Variants in SUSD6 observed in about 807,000 individuals in gnomAD.
SUSD6 encodes sushi domain containing 6.
A neutral mutation model predicts 28.4 loss-of-function variants in SUSD6; 16 were observed. That is an observed-to-expected ratio of 0.56 (90% CI 0.38 to 0.86). The LOEUF is 0.86. Ranked by LOEUF, SUSD6 falls within the 40% of genes least tolerant of loss-of-function variation. SUSD6 has a pLI of 0.00. For synonymous variants in SUSD6, 147 were observed against 159.6 expected (o/e 0.92, Z 0.59); for missense variants, 341 against 384.2 (o/e 0.89, Z 0.94).
intron 2 of SUSD6, among the ~76,000 whole-genome samples, chr14:69,667,403 G>T (rs1204386628): frequency 1.8e-4 from 23 of 125,608 alleles, no homozygotes; most frequent in Non-Finnish European, 2.8e-4. Flanking sequence ...TTGAGACGGA[G>T]TCTCGCTCTG....
chr14:69,613,054 A>G (rs1273988038), intron 1 of SUSD6, among the ~76,000 whole-genome samples: 1 of 152,206 alleles, frequency 6.6e-6, no homozygotes, highest in Non-Finnish European at 1.5e-5. Flanking sequence ...AGCTAGAAGC[A>G]TATTCAACCA....
chr14:69,634,682 CA>C (rs1885239298), intron 1 of SUSD6, among the ~76,000 whole-genome samples: 1 of 152,220 alleles, frequency 6.6e-6, no homozygotes, highest in Non-Finnish European at 1.5e-5. Context: ...GTTGCAAAGG[CA>C]AAACTCTTTG....
At chr14:69,656,741 C>T (rs541899206) in intron 1 of SUSD6, among the ~76,000 whole-genome samples, 1 of 152,332 alleles carries the variant, frequency 6.6e-6, no homozygotes, top group East Asian at 1.9e-4. Flanking sequence ...GATGAGGAGA[C>T]TAAGGCTAAG....
intron 1 of SUSD6, among the ~76,000 whole-genome samples, chr14:69,629,107 G>A (rs1323145702): frequency 6.6e-6 from 1 of 152,076 alleles, no homozygotes; most frequent in Non-Finnish European, 1.5e-5. Context: ...CCTGGAGAGA[G>A]GAGGGTAGGG....
intron 2 of SUSD6, among the ~76,000 whole-genome samples, chr14:69,676,739 A>G (rs1478843062): frequency 6.6e-6 from 1 of 152,218 alleles, no homozygotes; most frequent in Non-Finnish European, 1.5e-5. Context: ...TTTTGCCCAC[A>G]AAGAACCATT....
At chr14:69,665,011 C>A (rs1885718277) in intron 2 of SUSD6, among the ~76,000 whole-genome samples, 1 of 152,130 alleles carries the variant, frequency 6.6e-6, no homozygotes, top group Non-Finnish European at 1.5e-5. Context: ...GTGGCCTGTG[C>A]TGGTGTGCCT....
At chr14:69,671,395 G>C (rs1199723021) in intron 2 of SUSD6, among the ~76,000 whole-genome samples, 1 of 152,162 alleles carries the variant, frequency 6.6e-6, no homozygotes, top group Non-Finnish European at 1.5e-5. Context: ...CTTCTGGTCC[G>C]AGGGAAGAGG....
At chr14:69,687,547 G>A (rs994993482) in intron 2 of SUSD6, among the ~76,000 whole-genome samples, 1 of 152,256 alleles carries the variant, frequency 6.6e-6, no homozygotes, top group Non-Finnish European at 1.5e-5. Context: ...CCAGCTCTTA[G>A]ACTGTGAACT....
In SUSD6 at chr14:69,708,229, G is replaced by T. The variant is rs143519360; in HGVS notation, c.459-448G>T. Reference sequence around the variant, plus strand: ...CCTATTTAATGTGTACAGTGAAGTGGTTTTTAGTATATTCACAGATATATG... The same window carrying T: ...CCTATTTAATGTGTACAGTGAAGTGTTTTTTAGTATATTCACAGATATATG... On this transcript the variant is annotated intron_variant, in intron 4 of 5. Coordinates refer to ENST00000342745, the MANE Select transcript of SUSD6 (RefSeq NM_014734.4). Among the ~76,000 whole-genome samples, 178 of 152,322 alleles carry T rather than the reference G, an allele frequency of 1.2e-3. 1 individual carries two copies. Among genetic ancestry groups the T allele is most frequent in the African/African-American group, 4.0e-3 (165 of 41,570 alleles).
At chr14:69,671,148 G>A (rs1885825824) in intron 2 of SUSD6, among the ~76,000 whole-genome samples, 1 of 152,220 alleles carries the variant, frequency 6.6e-6, no homozygotes, top group Non-Finnish European at 1.5e-5. Flanking sequence ...GGAGGAGGAG[G>A]AGGAAGAAGA....
At chr14:69,703,690 G>C (rs1886344804) in intron 3 of SUSD6, 98 bp downstream of exon 3, 1 of 1,124,106 alleles carries the variant, frequency 8.9e-7, no homozygotes, top group Non-Finnish European at 1.3e-6. Flanking sequence ...TCTTTGCTGT[G>C]GTGCAGCCCA....
intron 2 of SUSD6, among the ~76,000 whole-genome samples, chr14:69,672,102 G>T (rs1234204483): frequency 6.6e-6 from 1 of 152,164 alleles, no homozygotes; most frequent in Non-Finnish European, 1.5e-5. Flanking sequence ...AACACTAACT[G>T]GTTAATCCAC....
Position 69,711,075 on chromosome 14 carries a change from C to T in SUSD6, c.*96C>T, listed in dbSNP as rs951960406. 6.4e-6 allele frequency: 8 copies of T among 1,244,998 alleles called. No individual in the cohort carries two copies. Among genetic ancestry groups the T allele is most frequent in the African/African-American group, 1.5e-5 (1 of 67,568 alleles). 77.1% of individuals were successfully genotyped at this position (1,244,998 alleles called of 1,614,324 possible). A position where few individuals can be genotyped will look rare whatever the true frequency, so the allele number is the denominator to read the frequency against. Reference sequence around the variant, plus strand: ...ACCCTGTACTCTCCAGCCACCTTACCTGGATACCTGAGCTGCCACCTGTGT... The same window carrying T: ...ACCCTGTACTCTCCAGCCACCTTACTTGGATACCTGAGCTGCCACCTGTGT... On this transcript the variant is annotated 3_prime_UTR_variant, in exon 6 of 6. Coordinates refer to ENST00000342745, the MANE Select transcript of SUSD6 (RefSeq NM_014734.4).
At chr14:69,665,469 T>G (rs921401644) in intron 2 of SUSD6, among the ~76,000 whole-genome samples, 1 of 152,186 alleles carries the variant, frequency 6.6e-6, no homozygotes, top group African/African-American at 2.4e-5. Context: ...CCCAGGCTGG[T>G]CTTGAACTCC....
intron 1 of SUSD6, among the ~76,000 whole-genome samples, chr14:69,621,836 T>G (rs1298587104): frequency 6.6e-6 from 1 of 152,236 alleles, no homozygotes; most frequent in Non-Finnish European, 1.5e-5. Context: ...CATGCTTTTT[T>G]TAAAGCACAT....
intron 1 of SUSD6, among the ~76,000 whole-genome samples, chr14:69,628,826 C>T (rs1277660615): frequency 1.3e-5 from 2 of 151,466 alleles, no homozygotes; most frequent in Admixed American, 1.3e-4. Context: ...CCTCAGCCCC[C>T]AACCCCAGTA....
chr14:69,664,464 T>A (rs144344704), intron 2 of SUSD6, among the ~76,000 whole-genome samples: 9 of 152,296 alleles, frequency 5.9e-5, no homozygotes, highest in Middle Eastern at 3.4e-3. Flanking sequence ...CTGCAAACCC[T>A]GTTGATGAAA....
At chr14:69,646,700 C>CTTTTTTTTTTTTTTTTTTTTTTTTTTTTT (rs61409476) in intron 1 of SUSD6, among the ~76,000 whole-genome samples, 1 of 109,220 alleles carries the variant, frequency 9.2e-6, no homozygotes, top group Non-Finnish European at 1.7e-5. Flanking sequence ...TTTTTTCCAT[C>CTTTTTTTTTTTTTTTTTTTTTTTTTTTTT]TTTTTTTTTT....
At chr14:69,710,478 T>G (rs1243308931) in intron 5 of SUSD6, among the ~76,000 whole-genome samples, 8 of 152,204 alleles carry the variant, frequency 5.3e-5, no homozygotes, top group African/African-American at 1.7e-4. Flanking sequence ...GTAAGTTCCT[T>G]GCAGGCCATG....
Sources: allele counts gnomAD v4.1 joint callset (sites outside exome capture counted in the v4.1 genomes callset), GRCh38; gene constraint gnomAD v4.1.1; transcripts MANE v1.5; gene names NCBI Gene and HGNC (gene_info 2026-07-23, HGNC 2026-07-21).